FOXK1: variants seen among roughly 807,000 people sequenced by gnomAD.
The protein encoded by FOXK1 is forkhead box K1, also known as forkhead box protein K1.
A neutral mutation model predicts 51.9 loss-of-function variants in FOXK1; 19 were observed. That is an observed-to-expected ratio of 0.37 (90% confidence interval 0.26 to 0.54). FOXK1 has a LOEUF of 0.54. Among genes scored for constraint, FOXK1 ranks in the 20% least tolerant of loss-of-function variants. The probability of loss-of-function intolerance (pLI) is 0.87; values close to 1 mark genes in which losing one functional copy is unlikely to be tolerated. For synonymous variants in FOXK1, 537 were observed against 482.6 expected, an observed-to-expected ratio of 1.11 and a Z score of -1.48; for missense variants, 870 against 1,032.7, an observed-to-expected ratio of 0.84 and a Z score of 2.16.
At chr7:4,757,230 T>C (rs745539697) in intron 5 of FOXK1, 43 bp downstream of exon 5, 1 of 1,530,452 alleles carries the variant, frequency 6.5e-7, no homozygotes, top group Non-Finnish European at 8.8e-7. Flanking sequence ...TTAGGAAAGC[T>C]GAGCTGCCCT....
intron 1 of FOXK1, among the ~76,000 whole-genome samples, chr7:4,708,740 A>G (rs1780136622): frequency 6.6e-6 from 1 of 151,974 alleles, no homozygotes; most frequent in Non-Finnish European, 1.5e-5. Flanking sequence ...CTGGTTGGAT[A>G]TTGGTGGCCG....
rs561224458 is a variant in FOXK1 at position 4,697,273 on chromosome 7, C to T, written c.560+14405C>T. ...AAGCCAGTGACCAGAGCTCAGTCTC[C>T]GGCCACTCCAAGGGAAGGCAACGTG... On this transcript the variant is annotated intron_variant, in intron 1 of 8. Coordinates refer to ENST00000328914, the MANE Select transcript of FOXK1 (RefSeq NM_001037165.2). 2.8e-4 allele frequency among the ~76,000 whole-genome samples: 43 copies of T among 152,274 alleles called. No individual in the cohort carries two copies. In the South Asian group the frequency reaches 7.3e-3, roughly 26 times the overall value.
Position 4,730,366 on chromosome 7 carries a change from C to A in FOXK1, c.561-10472C>A, listed in dbSNP as rs922306261. On this transcript the variant is annotated intron_variant, in intron 1 of 8. Transcript: ENST00000328914. The surrounding 1 kb of genome is among the most constrained non-coding windows in gnomAD (Gnocchi z 4.7). Reference sequence around the variant, plus strand: ...TGTCTCTGACCACCCTGCTACCCAGCTTGCCACCGCTGTCAGCCGTGGGGT... The same window carrying A: ...TGTCTCTGACCACCCTGCTACCCAGATTGCCACCGCTGTCAGCCGTGGGGT... 6.6e-6 allele frequency among the ~76,000 whole-genome samples: 1 copy of A among 152,208 alleles called. No homozygotes were observed. The highest frequency in any genetic ancestry group is 6.5e-5 in the Admixed American group (1 of 15,278).
At chr7:4,739,673 C>T (rs184029694) in intron 1 of FOXK1, among the ~76,000 whole-genome samples, 11 of 152,172 alleles carry the variant, frequency 7.2e-5, no homozygotes, top group Non-Finnish European at 1.5e-4. Flanking sequence ...CAGAACTGAT[C>T]GTGAAGCCGG....
chr7:4,761,734 A>T lies in FOXK1; in HGVS notation c.1921+446A>T, dbSNP rs1780935101. Among the ~76,000 whole-genome samples the T allele has an allele frequency of 1.3e-5, 2 of 152,046 alleles. No homozygotes were observed. Among genetic ancestry groups the T allele is most frequent in the African/African-American group, 4.8e-5 (2 of 41,402 alleles). The stretch of plus-strand genomic sequence containing the variant: ...GTGGGGGGAAAGAAAACAGGGTGGA[A>T]GGAAAACCCAGATCTGCCCACTCTC... On this transcript the variant is annotated intron_variant, in intron 8 of 8. Transcript: ENST00000328914. This position sits in a 1 kb window ranked among gnomAD's most constrained non-coding sequence, Gnocchi z 6.2.
rs1301137749 is a variant in FOXK1 at position 4,771,028 on chromosome 7, T to C, written c.*8564T>C. ...AGTTCTAGAGCATTGGATGTGAAGT[T>C]CTGGTCATGTCACCTTGCGTGTCTC... On this transcript the variant is annotated 3_prime_UTR_variant, in exon 9 of 9. Transcript: ENST00000328914. 2.6e-5 allele frequency: 4 copies of C among 152,580 alleles called. No homozygotes were observed. The East Asian group carries it at 5.8e-4, about 22-fold the overall frequency. The allele number at this position is 152,580 out of a possible 1,614,324, so 9.5% of individuals were successfully genotyped here.
chr7:4,715,162 G>A lies in FOXK1; in HGVS notation c.561-25676G>A, dbSNP rs1189520084. Among the ~76,000 whole-genome samples, 2 of 152,166 alleles carry A rather than the reference G, an allele frequency of 1.3e-5. No homozygotes were observed. Among genetic ancestry groups the A allele is most frequent in the Non-Finnish European group, 2.9e-5 (2 of 68,038 alleles). On this transcript the variant is annotated intron_variant, in intron 1 of 8. Coordinates refer to ENST00000328914, the MANE Select transcript of FOXK1 (RefSeq NM_001037165.2). This position sits in a 1 kb window ranked among gnomAD's most constrained non-coding sequence, Gnocchi z 4.5. ...GTGGAATTGTGATACGGTACATGGT[G>A]GAACTGTGACGATACGGGGCACGGT...
intron 1 of FOXK1, among the ~76,000 whole-genome samples, chr7:4,714,950 A>T (rs568366374): frequency 1.3e-5 from 2 of 152,224 alleles, no homozygotes; most frequent in African/African-American, 4.8e-5. Context: ...AGTTGTGTGT[A>T]TTCAGGGAGT....
At chr7:4,750,892 C>T (rs985375826) in intron 2 of FOXK1, among the ~76,000 whole-genome samples, 4 of 151,802 alleles carry the variant, frequency 2.6e-5, no homozygotes, top group African/African-American at 7.3e-5. Flanking sequence ...TCAGTAGAGA[C>T]GGGATTTCTC....
chr7:4,764,311 C>T lies in FOXK1; in HGVS notation c.*1847C>T, dbSNP rs1780979075. 6.5e-6 allele frequency: 1 copy of T among 154,402 alleles called. No homozygotes were observed. The highest frequency in any genetic ancestry group is 2.0e-4 in the South Asian group (1 of 4,920). 9.6% of individuals were successfully genotyped at this position (154,402 alleles called of 1,614,324 possible). A position where few individuals can be genotyped will look rare whatever the true frequency, so the allele number is the denominator to read the frequency against. On this transcript the variant is annotated 3_prime_UTR_variant, in exon 9 of 9. Coordinates refer to ENST00000328914, the MANE Select transcript of FOXK1 (RefSeq NM_001037165.2). Reference sequence around the variant, plus strand: ...CCGTGTCCCGTTGTTTTTCTAAGCCCCCCGAATTGAGTCGTTTCTATGGCA... The same window carrying T: ...CCGTGTCCCGTTGTTTTTCTAAGCCTCCCGAATTGAGTCGTTTCTATGGCA...
In FOXK1 at chr7:4,762,574, C is replaced by T. The variant is rs1181493746; in HGVS notation, c.*110C>T. 10 of 1,137,132 alleles carry T rather than the reference C, an allele frequency of 8.8e-6. No homozygotes were observed. Among genetic ancestry groups the T allele is most frequent in the Non-Finnish European group, 1.2e-5 (10 of 822,912 alleles). The allele number at this position is 1,137,132 out of a possible 1,614,324, so 70.4% of individuals were successfully genotyped here. The stretch of plus-strand genomic sequence containing the variant: ...ACGGAGGAGAACAGCCCGCGGCGGC[C>T]TGTGGGCATCGGCGGCACCTGGACA... On this transcript the variant is annotated 3_prime_UTR_variant, in exon 9 of 9. Transcript: ENST00000328914. This position sits in a 1 kb window ranked among gnomAD's most constrained non-coding sequence, Gnocchi z 5.7.
In FOXK1 at chr7:4,769,434, C is replaced by T. The variant is rs951892786; in HGVS notation, c.*6970C>T. 1.3e-5 allele frequency: 2 copies of T among 151,872 alleles called. No individual in the cohort carries two copies. The highest frequency in any genetic ancestry group is 2.9e-5 in the Non-Finnish European group (2 of 67,994). 9.4% of individuals were successfully genotyped at this position (151,872 alleles called of 1,614,324 possible). A position where few individuals can be genotyped will look rare whatever the true frequency, so the allele number is the denominator to read the frequency against. On this transcript the variant is annotated 3_prime_UTR_variant, in exon 9 of 9. Coordinates refer to ENST00000328914, the MANE Select transcript of FOXK1 (RefSeq NM_001037165.2). The surrounding 1 kb of genome is among the most constrained non-coding windows in gnomAD (Gnocchi z 4.1). ...TGACTGAAGCGGTCTCCAAGTCACTCTGTCACCACTTTTTTTTTTTTTGAG... is the reference window on the plus strand; with the variant it reads ...TGACTGAAGCGGTCTCCAAGTCACTTTGTCACCACTTTTTTTTTTTTTGAG...
intron 1 of FOXK1, among the ~76,000 whole-genome samples, chr7:4,699,596 G>A (rs1172456722): frequency 1.3e-5 from 2 of 151,878 alleles, no homozygotes; most frequent in Non-Finnish European, 1.5e-5. Flanking sequence ...TCGAACTCCT[G>A]GCCTCAAGTG....
chr7:4,701,305 C>T (rs1007936862), intron 1 of FOXK1, among the ~76,000 whole-genome samples: 5 of 152,122 alleles, frequency 3.3e-5, no homozygotes, highest in Admixed American at 2.6e-4. Context: ...GTTTGAGTAA[C>T]GTTTGTTGGG....
At chr7:4,736,233 T>C (rs1780550456) in intron 1 of FOXK1, among the ~76,000 whole-genome samples, 1 of 152,202 alleles carries the variant, frequency 6.6e-6, no homozygotes, top group Middle Eastern at 3.2e-3. Flanking sequence ...GGACAATCAC[T>C]GTTACGGCAG....
At chr7:4,737,781 G>T (rs1780575038) in intron 1 of FOXK1, among the ~76,000 whole-genome samples, 1 of 152,138 alleles carries the variant, frequency 6.6e-6, no homozygotes, top group African/African-American at 2.4e-5. Context: ...AAAGCTAACA[G>T]CCCCCAGGAC....
intron 1 of FOXK1, among the ~76,000 whole-genome samples, chr7:4,727,983 A>G (rs1026849838): frequency 1.3e-5 from 2 of 152,120 alleles, no homozygotes; most frequent in African/African-American, 2.4e-5. Flanking sequence ...ATTGGTATAG[A>G]CAGATACCAA....
intron 1 of FOXK1, among the ~76,000 whole-genome samples, chr7:4,726,811 A>G (rs1439823552): frequency 1.3e-5 from 2 of 152,248 alleles, no homozygotes; most frequent in Non-Finnish European, 2.9e-5. Context: ...GCTTTCCCTC[A>G]AACTCTGTGT....
rs1457931274 is a variant in FOXK1 at position 4,723,088 on chromosome 7, G to A, written c.561-17750G>A. On this transcript the variant is annotated intron_variant, in intron 1 of 8. Coordinates refer to ENST00000328914, the MANE Select transcript of FOXK1 (RefSeq NM_001037165.2). The surrounding 1 kb of genome is among the most constrained non-coding windows in gnomAD (Gnocchi z 4.7). ...AACAAAAACCCGTCTTCCCAAGCCT[G>A]TTGACGATGATGGTAACGGCACCGT... is the stretch of plus-strand genomic sequence containing the variant. Among the ~76,000 whole-genome samples, 1 of 152,006 alleles carries A rather than the reference G, an allele frequency of 6.6e-6. No individual in the cohort carries two copies.
Sources: allele counts gnomAD v4.1 joint callset (sites outside exome capture counted in the v4.1 genomes callset), GRCh38; gene constraint gnomAD v4.1.1; non-coding constraint Gnocchi (gnomAD v3.1); transcripts MANE v1.5; gene names NCBI Gene and HGNC (gene_info 2026-07-23, HGNC 2026-07-21).